SOS1: variants seen among roughly 807,000 people sequenced by gnomAD.
SOS1 encodes SOS Ras/Rac guanine nucleotide exchange factor 1.
Under a neutral mutation model 157.6 loss-of-function variants are expected in SOS1, and 25 were observed. That is an observed-to-expected ratio of 0.16 (90% CI 0.12 to 0.22). SOS1 has a LOEUF of 0.22. Among genes scored for constraint, SOS1 ranks in the 10% least tolerant of loss-of-function variants. SOS1 has a pLI of 1.00. For synonymous variants in SOS1, 528 were observed against 534.0 expected (o/e 0.99, Z 0.16); for missense variants, 1,237 against 1,599.1 (o/e 0.77, Z 3.86).
chr2:39,061,350 A>G (rs1337972482), intron 2 of SOS1, among the ~76,000 whole-genome samples: 1 of 151,920 alleles, frequency 6.6e-6, no homozygotes, highest in African/African-American at 2.4e-5. Flanking sequence ...TTATGATAAA[A>G]TAAAATTTCT....
At chr2:39,092,064 T>A (rs1252852250) in intron 1 of SOS1, among the ~76,000 whole-genome samples, 2 of 152,234 alleles carry the variant, frequency 1.3e-5, no homozygotes, top group Admixed American at 1.3e-4. Flanking sequence ...TTTATGTCAC[T>A]CCTTCGCCTA....
At chr2:39,021,084 C>A (rs1572828658) in intron 10 of SOS1, among the ~76,000 whole-genome samples, 2 of 151,508 alleles carry the variant, frequency 1.3e-5, no homozygotes, top group South Asian at 4.2e-4. Context: ...AGTAAAAGCA[C>A]TCAAAATATT....
At chr2:39,121,894 T>G (rs1035956216), upstream of SOS1, among the ~76,000 whole-genome samples, 1 of 152,206 alleles carries the variant, frequency 6.6e-6, no homozygotes, top group African/African-American at 2.4e-5. Flanking sequence ...TTATGATTTA[T>G]CATTAATTAT....
intron 2 of SOS1, among the ~76,000 whole-genome samples, chr2:39,062,435 T>TAAA (rs397974197): frequency 0.011 from 1,516 of 136,538 alleles, 1 homozygote; most frequent in Non-Finnish European, 0.015. Flanking sequence ...AAAAAAAAAT[T>TAAA]AAAAAAAAAA....
chr2:39,044,866 A>G (rs79457473), intron 6 of SOS1, among the ~76,000 whole-genome samples: 11 of 48,932 alleles, frequency 2.2e-4, no homozygotes, highest in South Asian at 1.3e-3. Context: ...GCGCGCGCGC[A>G]CACACACACA....
chr2:39,053,543 G>C (rs1671095681), intron 5 of SOS1, among the ~76,000 whole-genome samples: 1 of 151,972 alleles, frequency 6.6e-6, no homozygotes, highest in East Asian at 1.9e-4. Flanking sequence ...TTACAGATTT[G>C]TACAACCATC....
At chr2:39,042,419 T>A (rs996233717) in intron 6 of SOS1, among the ~76,000 whole-genome samples, 11 of 152,036 alleles carry the variant, frequency 7.2e-5, no homozygotes, top group South Asian at 6.2e-4. Flanking sequence ...TTATTTATTT[T>A]TTGAGATGGA....
rs547955666 is a variant in SOS1 at position 39,061,683 on chromosome 2, C to T, written c.214-2879G>A. Among the ~76,000 whole-genome samples the T allele has an allele frequency of 2.6e-5, 4 of 152,234 alleles. No individual in the cohort carries two copies. The South Asian group carries it at 8.3e-4, about 32-fold the overall frequency. On this transcript the variant is annotated intron_variant, in intron 2 of 22. Transcript: ENST00000402219. ...GATTACACACATGAGCCACTGCATT[C>T]GGCCTTCATGTATTTTTAAAAAGAA...
At chr2:39,124,352 TC>T (rs1674002098), upstream of SOS1, 1 of 152,178 alleles carries the variant, frequency 6.6e-6, no homozygotes, top group African/African-American at 2.4e-5. Flanking sequence ...TCTTTTCGCT[TC>T]CCTCCTCAGC....
At chr2:39,082,948 T>A (rs1197616711) in intron 1 of SOS1, among the ~76,000 whole-genome samples, 1 of 152,140 alleles carries the variant, frequency 6.6e-6, no homozygotes, top group Admixed American at 6.5e-5. Flanking sequence ...TGATAGAAAG[T>A]TTATCGGTAT....
chr2:39,015,760 C>T (rs1293092967), intron 10 of SOS1, among the ~76,000 whole-genome samples: 2 of 139,686 alleles, frequency 1.4e-5, no homozygotes, highest in African/African-American at 5.3e-5. Flanking sequence ...TCACTCACTT[C>T]TATAACTCAA....
At chr2:39,093,741 CGACTTT>C (rs1558510182) in intron 1 of SOS1, among the ~76,000 whole-genome samples, 1 of 152,096 alleles carries the variant, frequency 6.6e-6, no homozygotes. Context: ...GATCACTTAA[CGACTTT>C]GACTTTTGAA....
At chr2:39,051,353 C>T (rs1226345637) in intron 5 of SOS1, 66 bp from the exon 6 acceptor site, 1 of 1,423,940 alleles carries the variant, frequency 7.0e-7, no homozygotes, top group Non-Finnish European at 9.8e-7. Flanking sequence ...AAATTTTGAG[C>T]CAATAAGTCA....
intron 1 of SOS1, among the ~76,000 whole-genome samples, chr2:39,086,362 C>G (rs755419181): frequency 1.3e-5 from 2 of 152,082 alleles, no homozygotes; most frequent in Non-Finnish European, 2.9e-5. Flanking sequence ...GGTGCATATA[C>G]TAGGATAAGG....
intron 21 of SOS1, 125 bp downstream of exon 21, chr2:38,989,145 T>C: frequency 1.4e-6 from 1 of 712,120 alleles, no homozygotes; most frequent in Non-Finnish European, 2.6e-6. Context: ...GCCTCACTTC[T>C]AGGATGTTGC....
intron 6 of SOS1, among the ~76,000 whole-genome samples, chr2:39,047,036 T>C (rs984748942): frequency 6.6e-6 from 1 of 152,188 alleles, no homozygotes; most frequent in Non-Finnish European, 1.5e-5. Context: ...TTTTAACATA[T>C]GTATACAATG....
chr2:39,035,364 A>T, intron 7 of SOS1, 26 bp downstream of exon 7: 1 of 1,599,886 alleles, frequency 6.3e-7, no homozygotes. Context: ...CAGACATTGT[A>T]CATCTTCATT....
In SOS1 at chr2:38,983,512, G is replaced by T. The variant is rs1192811120; in HGVS notation, c.*2312C>A. 1 of 152,130 alleles carries T rather than the reference G, an allele frequency of 6.6e-6. No individual in the cohort carries two copies. Among genetic ancestry groups the T allele is most frequent in the Non-Finnish European group, 1.5e-5 (1 of 68,008 alleles). The allele number at this position is 152,130 out of a possible 1,614,324, so 9.4% of individuals were successfully genotyped here. On this transcript the variant is annotated 3_prime_UTR_variant, in exon 23 of 23. Coordinates refer to ENST00000402219, the MANE Select transcript of SOS1 (RefSeq NM_005633.4). ...GAATAGTTCCCTTTGGGAGAAATAGGATTAGAACTCCAAATCTGAATTTTT... is the reference window on the plus strand; with the variant it reads ...GAATAGTTCCCTTTGGGAGAAATAGTATTAGAACTCCAAATCTGAATTTTT...
chr2:39,111,292 A>C (rs774827850), intron 1 of SOS1, among the ~76,000 whole-genome samples: 2 of 152,192 alleles, frequency 1.3e-5, no homozygotes, highest in African/African-American at 2.4e-5. Context: ...GGCATGCCAT[A>C]GAGCAAACAT....
Sources: gnomAD v4.1 joint callset for allele counts (sites outside exome capture counted in the v4.1 genomes callset) on GRCh38, gnomAD v4.1.1 for gene constraint, MANE v1.5 for transcripts, NCBI Gene and HGNC (gene_info 2026-07-23, HGNC 2026-07-21) for gene names.